IPO8: variants seen among roughly 807,000 people sequenced by gnomAD.
IPO8 encodes the protein importin 8, also known as importin-8.
A neutral mutation model predicts 141.2 loss-of-function variants in IPO8; 65 were observed. That is an observed-to-expected ratio of 0.46 (90% CI 0.38 to 0.57). The LOEUF (loss-of-function observed/expected upper bound fraction) is 0.57, where lower values mean the gene tolerates loss of function less well. Ranked by LOEUF, IPO8 falls within the 20% of genes least tolerant of loss-of-function variation. The pLI is 0.00. For synonymous variants in IPO8, 411 were observed against 420.3 expected (o/e 0.98, Z 0.27); for missense variants, 980 against 1,246.8 (o/e 0.79, Z 3.22).
At chr12:30,660,955 G>A (rs371027929) in intron 16 of IPO8, among the ~76,000 whole-genome samples, 186 bp downstream of exon 16, 80,586 of 148,676 alleles carry the variant, frequency 0.54, 22,575 homozygotes, top group African/African-American at 0.67. Flanking sequence ...CAAATATTAT[G>A]ATGTAATATT....
chr12:30,668,604 A>G (rs924441251), intron 10 of IPO8, among the ~76,000 whole-genome samples: 2 of 152,238 alleles, frequency 1.3e-5, no homozygotes, highest in African/African-American at 4.8e-5. Context: ...TGCTATGTTA[A>G]GTGCTTGAGT....
chr12:30,666,117 G>GT lies in IPO8; in HGVS notation c.1221+57dup, dbSNP rs1736922182. ...TCTCAAATACTAGGGATATACTAGA[G>GT]TATCAACTCAACACAGGCCACCTTT... On this transcript the variant is annotated intron_variant, in intron 11 of 24. Transcript: ENST00000256079. The GT allele has an allele frequency of 1.4e-5, 14 of 1,034,346 alleles. No individual in the cohort carries two copies. In the South Asian group the frequency reaches 1.9e-4, roughly 14 times the overall value. The allele number at this position is 1,034,346 out of a possible 1,614,324, so 64.1% of individuals were successfully genotyped here.
At chr12:30,639,391 A>T in intron 21 of IPO8, 124 bp downstream of exon 21, 1 of 647,522 alleles carries the variant, frequency 1.5e-6, no homozygotes, top group Non-Finnish European at 2.7e-6. Context: ...ATTAAATATT[A>T]ACAATACACT....
chr12:30,677,047 T>G, intron 5 of IPO8: 3 of 1,524,154 alleles, frequency 2.0e-6, no homozygotes, highest in Non-Finnish European at 2.6e-6. Flanking sequence ...ATGGCTCACC[T>G]CTGCTGTACT....
Position 30,637,042 on chromosome 12 carries a change from T to C in IPO8, c.2635A>G (p.Arg879Gly). The C allele has an allele frequency of 1.9e-6, 3 of 1,614,120 alleles. No homozygotes were observed. Among genetic ancestry groups the C allele is most frequent in the Non-Finnish European group, 2.5e-6 (3 of 1,179,964 alleles). The change falls in exon 22 of 25, where the codon AGA becomes GGA. Residue 879 changes from arginine to glycine, a missense_variant. Around this residue, in one of 3 missense-constraint regions of IPO8, gnomAD observed 924 missense variants for 1,153.9 expected, o/e 0.80. Coordinates refer to ENST00000256079, the MANE Select transcript of IPO8 (RefSeq NM_006390.4). ...CGATCTTCCCGGTTTACCAGTTGTCTAGTAGCACAGACCTGCTTTAGGCCA... is the reference window on the plus strand; with the variant it reads ...CGATCTTCCCGGTTTACCAGTTGTCCAGTAGCACAGACCTGCTTTAGGCCA... ...FLGLKQVCAT[R>G]QLVNREDRSK...
At chr12:30,659,698 C>CA (rs200459869) in intron 16 of IPO8, among the ~76,000 whole-genome samples, 3,386 of 150,224 alleles carry the variant, frequency 0.023, 59 homozygotes, top group Non-Finnish European at 0.031. Context: ...AAAAAAAATT[C>CA]AAAAAAATTA....
chr12:30,653,984 G>A (rs985550824), intron 17 of IPO8, among the ~76,000 whole-genome samples: 1 of 151,970 alleles, frequency 6.6e-6, no homozygotes, highest in African/African-American at 2.4e-5. Flanking sequence ...GTTCTAGCAT[G>A]GCACTGGGAT....
At chr12:30,688,389 A>T in intron 2 of IPO8, 1 of 435,220 alleles carries the variant, frequency 2.3e-6, no homozygotes, top group Non-Finnish European at 4.6e-6. Context: ...TAGCAAGAAC[A>T]CTTTAGATTG....
At chr12:30,674,614 G>T in intron 7 of IPO8, 45 bp downstream of exon 7, 1 of 1,326,048 alleles carries the variant, frequency 7.5e-7, no homozygotes, top group South Asian at 1.2e-5. Flanking sequence ...ATCTGATACT[G>T]AGATACTGGC....
chr12:30,681,088 G>A (rs1846634429), intron 4 of IPO8, among the ~76,000 whole-genome samples: 1 of 152,026 alleles, frequency 6.6e-6, no homozygotes, highest in South Asian at 2.1e-4. Flanking sequence ...TGCTTTAATT[G>A]CCATAAATCT....
intron 19 of IPO8, among the ~76,000 whole-genome samples, chr12:30,651,419 T>G (rs2052725153): frequency 6.6e-6 from 1 of 152,114 alleles, no homozygotes; most frequent in Non-Finnish European, 1.5e-5. Flanking sequence ...CCCCTTCTGG[T>G]AAGGAAAACA....
intron 8 of IPO8, among the ~76,000 whole-genome samples, chr12:30,673,251 T>C (rs1394792279): frequency 1.3e-5 from 2 of 151,930 alleles, no homozygotes; most frequent in African/African-American, 4.8e-5. Flanking sequence ...AGAGTGAGAC[T>C]CCATCTCAAA....
intron 22 of IPO8, among the ~76,000 whole-genome samples, chr12:30,634,749 T>C (rs2052478245): frequency 6.6e-6 from 1 of 152,150 alleles, no homozygotes; most frequent in Non-Finnish European, 1.5e-5. Context: ...ATAAAGTGCT[T>C]AGAAATGCCC....
chr12:30,677,149 C>T lies in IPO8; in HGVS notation c.640-562G>A, dbSNP rs751792304. 5 of 1,315,352 alleles carry T rather than the reference C, an allele frequency of 3.8e-6. No homozygotes were observed. The South Asian group carries it at 6.3e-5, about 17-fold the overall frequency. The allele number at this position is 1,315,352 out of a possible 1,614,324, so 81.5% of individuals were successfully genotyped here. On this transcript the variant is annotated intron_variant, in intron 5 of 24. Transcript: ENST00000256079. ...CATAATAAGATAGACAATCTTTGCC[C>T]TCACGAAGCTTACACTCTAACTGGA...
At position 30,680,644 on chromosome 12, in the gene IPO8, T is replaced by A. The variant is rs368060415; in HGVS notation, c.483-6A>T. ...TCTCTTCTGCTTTCTTATATCTACA[T>A]GAGCAAAGACAAAAACAGAAAAGTA... On this transcript the variant is annotated splice_region_variant and splice_polypyrimidine_tract_variant and intron_variant, in intron 4 of 24. Transcript: ENST00000256079. 1.3e-6 allele frequency: 2 copies of A among 1,598,568 alleles called. No individual in the cohort carries two copies. Among genetic ancestry groups the A allele is most frequent in the East Asian group, 2.3e-5 (1 of 44,356 alleles).
intron 2 of IPO8, chr12:30,686,468 C>G (rs1227615103): frequency 6.6e-6 from 1 of 152,198 alleles, no homozygotes; most frequent in Non-Finnish European, 1.5e-5. Flanking sequence ...CCACCTCAGT[C>G]TCTCAAGTAG....
intron 4 of IPO8, among the ~76,000 whole-genome samples, chr12:30,680,960 T>C (rs867513982): frequency 1.3e-5 from 2 of 152,166 alleles, no homozygotes; most frequent in African/African-American, 2.4e-5. Flanking sequence ...CTATAAAATA[T>C]AAGTTGCTAT....
chr12:30,678,592 C>T lies in IPO8; in HGVS notation c.639+1890G>A, dbSNP rs576182561. On this transcript the variant is annotated intron_variant, in intron 5 of 24. Coordinates refer to ENST00000256079, the MANE Select transcript of IPO8 (RefSeq NM_006390.4). ...AATGCATTTTCTCAGAATGCATCCC[C>T]AAAGTTAAGTAACACATGACTGTAC... Among the ~76,000 whole-genome samples, 5 of 152,156 alleles carry T rather than the reference C, an allele frequency of 3.3e-5. No homozygotes were observed. The South Asian group carries it at 1.0e-3, about 32-fold the overall frequency.
chr12:30,672,293 C>T (rs1272797933), intron 8 of IPO8, among the ~76,000 whole-genome samples: 1 of 152,146 alleles, frequency 6.6e-6, no homozygotes, highest in African/African-American at 2.4e-5. Flanking sequence ...TTTCCTAAAA[C>T]TCAGGTTTAC....
Sources: allele counts gnomAD v4.1 joint callset (sites outside exome capture counted in the v4.1 genomes callset), GRCh38; gene constraint gnomAD v4.1.1; regional missense constraint gnomAD v4.1.1; transcripts MANE v1.5; gene names NCBI Gene and HGNC (gene_info 2026-07-23, HGNC 2026-07-21).